The following PHYHIPL variants were observed in gnomAD, a reference collection of about 807,000 sequenced individuals.
The protein encoded by PHYHIPL is phytanoyl-CoA hydroxylase-interacting protein-like.
In PHYHIPL, 9 loss-of-function variants were observed where a neutral mutation model predicts 33.4. The observed-to-expected ratio is 0.27, with a 90% CI of 0.16 to 0.47. The LOEUF (loss-of-function observed/expected upper bound fraction) is 0.47, where lower values mean the gene tolerates loss of function less well. PHYHIPL is among the 20% of genes least tolerant of loss of function. The pLI is 0.99. For missense variants in PHYHIPL, 365 were observed against 460.7 expected (o/e 0.79, Z 1.90); for synonymous variants, 153 against 154.1 (o/e 0.99, Z 0.05).
At chr10:59,221,404 C>T (rs1839771265) in intron 1 of PHYHIPL, among the ~76,000 whole-genome samples, 1 of 151,840 alleles carries the variant, frequency 6.6e-6, no homozygotes, top group Non-Finnish European at 1.5e-5. Flanking sequence ...GTTTTTTAGC[C>T]CATGTACATA....
At chr10:59,202,493 C>A (rs1029216357) in intron 1 of PHYHIPL, among the ~76,000 whole-genome samples, 1 of 152,112 alleles carries the variant, frequency 6.6e-6, no homozygotes, top group Admixed American at 6.6e-5. Flanking sequence ...GATAATTAAA[C>A]CTCAAATAAC....
chr10:59,191,962 G>A (rs1435213837), intron 1 of PHYHIPL, among the ~76,000 whole-genome samples: 1 of 152,050 alleles, frequency 6.6e-6, no homozygotes, highest in Non-Finnish European at 1.5e-5. Context: ...GTTTAAGAGA[G>A]GAAGGGCCAA....
chr10:59,242,849 C>G (rs1031956027), intron 4 of PHYHIPL, among the ~76,000 whole-genome samples: 1 of 151,932 alleles, frequency 6.6e-6, no homozygotes, highest in African/African-American at 2.4e-5. Flanking sequence ...ATAGAAATTA[C>G]GCAAATTGAA....
intron 1 of PHYHIPL, among the ~76,000 whole-genome samples, chr10:59,207,632 C>G (rs964498983): frequency 1.3e-5 from 2 of 152,176 alleles, no homozygotes; most frequent in African/African-American, 4.8e-5. Flanking sequence ...TGGCTCACAC[C>G]TGTAATCCCA....
At chr10:59,203,169 C>T (rs1292331298) in intron 1 of PHYHIPL, among the ~76,000 whole-genome samples, 1 of 152,126 alleles carries the variant, frequency 6.6e-6, no homozygotes, top group Non-Finnish European at 1.5e-5. Context: ...TGAAAAAATG[C>T]TCATCATCAC....
chr10:59,206,335 T>C (rs1290537263), intron 1 of PHYHIPL, among the ~76,000 whole-genome samples: 7 of 152,222 alleles, frequency 4.6e-5, no homozygotes. Flanking sequence ...GTCTACTGAA[T>C]GGGACTTCTG....
At chr10:59,212,598 A>G (rs547084785) in intron 1 of PHYHIPL, among the ~76,000 whole-genome samples, 1 of 152,252 alleles carries the variant, frequency 6.6e-6, no homozygotes, top group African/African-American at 2.4e-5. Context: ...TATTTTCTGC[A>G]TGTCACTTTC....
At chr10:59,222,505 T>A (rs1839805963) in intron 1 of PHYHIPL, among the ~76,000 whole-genome samples, 1 of 151,846 alleles carries the variant, frequency 6.6e-6, no homozygotes, top group African/African-American at 2.4e-5. Flanking sequence ...AGGCAGGAAA[T>A]TAGATGTGAT....
intron 1 of PHYHIPL, among the ~76,000 whole-genome samples, chr10:59,185,978 T>C (rs1309896564): frequency 2.0e-5 from 3 of 152,270 alleles, no homozygotes; most frequent in South Asian, 4.1e-4. Context: ...AATTAGATAC[T>C]ATTTGTCAAT....
At chr10:59,205,289 T>C (rs1287925645) in intron 1 of PHYHIPL, among the ~76,000 whole-genome samples, 2 of 152,210 alleles carry the variant, frequency 1.3e-5, no homozygotes, top group Non-Finnish European at 2.9e-5. Context: ...TGTGACATTC[T>C]AGATCATGAA....
intron 1 of PHYHIPL, among the ~76,000 whole-genome samples, chr10:59,197,187 A>G (rs76559981): frequency 6.6e-6 from 1 of 152,156 alleles, no homozygotes; most frequent in Admixed American, 6.5e-5. Context: ...TAAGATAAAA[A>G]TCCCTTGAAT....
intron 4 of PHYHIPL, among the ~76,000 whole-genome samples, chr10:59,241,826 C>A (rs1157871234): frequency 6.6e-6 from 1 of 151,998 alleles, no homozygotes; most frequent in Admixed American, 6.6e-5. Flanking sequence ...TTGAGCACTT[C>A]AATATGTTAA....
At chr10:59,238,732 T>G (rs1564459785) in intron 4 of PHYHIPL, 27 bp downstream of exon 4, 2 of 1,410,742 alleles carry the variant, frequency 1.4e-6, no homozygotes, top group Non-Finnish European at 2.0e-6. Context: ...TATAGTGATT[T>G]GTTTTACTAA....
intron 1 of PHYHIPL, among the ~76,000 whole-genome samples, chr10:59,216,653 A>G (rs1399940736): frequency 6.6e-6 from 1 of 152,116 alleles, no homozygotes; most frequent in Non-Finnish European, 1.5e-5. Flanking sequence ...TGGATTTGCC[A>G]CTATGCACTT....
intron 1 of PHYHIPL, among the ~76,000 whole-genome samples, chr10:59,186,814 T>G (rs568639943): frequency 3.3e-5 from 5 of 152,258 alleles, no homozygotes; most frequent in South Asian, 2.1e-4. Flanking sequence ...CATTGATTTT[T>G]TATCCTGAGA....
At chr10:59,214,297 T>C (rs1250511187) in intron 1 of PHYHIPL, among the ~76,000 whole-genome samples, 1 of 85,368 alleles carries the variant, frequency 1.2e-5, no homozygotes, top group Admixed American at 1.6e-4. Context: ...TTGATTGCAG[T>C]AAAATAATTA....
At chr10:59,226,522 A>C (rs1269198277) in intron 1 of PHYHIPL, among the ~76,000 whole-genome samples, 1 of 152,096 alleles carries the variant, frequency 6.6e-6, no homozygotes, top group Non-Finnish European at 1.5e-5. Flanking sequence ...TGGTGGTGGA[A>C]TCATTGCTAA....
chr10:59,238,824 C>A, intron 4 of PHYHIPL, 119 bp downstream of exon 4: 3 of 574,644 alleles, frequency 5.2e-6, no homozygotes, highest in South Asian at 2.8e-5. Context: ...TTCAAAATAA[C>A]GATATGGAAT....
chr10:59,209,167 G>T (rs1450432699), intron 1 of PHYHIPL, among the ~76,000 whole-genome samples: 6 of 152,052 alleles, frequency 3.9e-5, no homozygotes, highest in Non-Finnish European at 8.8e-5. Context: ...AATGTTAAGG[G>T]CAGCCAGAGA....
Sources: gnomAD v4.1 joint callset for allele counts (sites outside exome capture counted in the v4.1 genomes callset) on GRCh38, gnomAD v4.1.1 for gene constraint, MANE v1.5 for transcripts, NCBI Gene and HGNC (gene_info 2026-07-23, HGNC 2026-07-21) for gene names.